The following NSD3 variants were observed in gnomAD, a reference collection of about 807,000 sequenced individuals.
NSD3 encodes the protein nuclear receptor binding SET domain protein 3, also known as histone-lysine N-methyltransferase NSD3.
Under a neutral mutation model 160.8 loss-of-function variants are expected in NSD3, and 24 were observed. The observed-to-expected ratio is 0.15, with a 90% CI of 0.11 to 0.21. The LOEUF (loss-of-function observed/expected upper bound fraction) is 0.21, where lower values mean the gene tolerates loss of function less well. NSD3 is among the 10% of genes least tolerant of loss of function. The probability of loss-of-function intolerance (pLI) is 1.00; values close to 1 mark genes in which losing one functional copy is unlikely to be tolerated. For missense variants in NSD3, 1,157 were observed against 1,735.9 expected (o/e 0.67, Z 5.93); for synonymous variants, 520 against 600.0 (o/e 0.87, Z 1.95).
At position 38,289,621 on chromosome 8, in the gene NSD3, T is replaced by C. The variant is rs375266748; in HGVS notation, c.3119-116A>G. 436 of 937,476 alleles carry C rather than the reference T, an allele frequency of 4.7e-4. 11 individuals carry two copies. In the South Asian group the frequency reaches 6.6e-3, roughly 14 times the overall value. The allele number at this position is 937,476 out of a possible 1,614,324, so 58.1% of individuals were successfully genotyped here. A position where few individuals can be genotyped will look rare whatever the true frequency, so the allele number is the denominator to read the frequency against. On this transcript the variant is annotated intron_variant, in intron 17 of 23. Coordinates refer to ENST00000317025, the MANE Select transcript of NSD3 (RefSeq NM_023034.2). ...GCATCTGGCCTGAGATTTTTCTTTT[T>C]AGAATTATTTTCTGGAAGTTACTGT...
At chr8:38,323,317 A>G (rs1488820191) in intron 7 of NSD3, among the ~76,000 whole-genome samples, 1 of 152,012 alleles carries the variant, frequency 6.6e-6, no homozygotes, top group Non-Finnish European at 1.5e-5. Flanking sequence ...CAGCCTCCCA[A>G]ACTGCTGGGA....
intron 2 of NSD3, among the ~76,000 whole-genome samples, chr8:38,338,965 C>A (rs1255473567): frequency 2.6e-5 from 4 of 152,034 alleles, no homozygotes; most frequent in African/African-American, 4.8e-5. Context: ...CATGGTGAAA[C>A]CCCGTCTCTA....
At chr8:38,322,125 A>C (rs560702124) in intron 7 of NSD3, among the ~76,000 whole-genome samples, 1 of 152,284 alleles carries the variant, frequency 6.6e-6, no homozygotes, top group East Asian at 1.9e-4. Context: ...ATCAGATAGA[A>C]GCTCTATCTA....
At position 38,340,937 on chromosome 8, in the gene NSD3, A is replaced by C. The variant is rs1343375571; in HGVS notation, c.676-2330T>G. Among the ~76,000 whole-genome samples the C allele has an allele frequency of 2.7e-5, 4 of 150,570 alleles. No individual in the cohort carries two copies. The South Asian group carries it at 8.5e-4, about 32-fold the overall frequency. On this transcript the variant is annotated intron_variant, in intron 2 of 23. Coordinates refer to ENST00000317025, the MANE Select transcript of NSD3 (RefSeq NM_023034.2). Reference sequence around the variant, plus strand: ...CAGTACTTTGGGAGGCCAAGGTGGAATGATCTCTTGAGGCCAAGAGTTCAA... The same window carrying C: ...CAGTACTTTGGGAGGCCAAGGTGGACTGATCTCTTGAGGCCAAGAGTTCAA...
chr8:38,376,439 CT>C (rs548550847), intron 1 of NSD3, among the ~76,000 whole-genome samples: 363 of 144,278 alleles, frequency 2.5e-3, no homozygotes, highest in Admixed American at 2.5e-3. Flanking sequence ...TTCTTTCTTT[CT>C]TTTTTTTTTT....
chr8:38,348,341 T>A lies in NSD3; in HGVS notation c.-44-126A>T, dbSNP rs1025601812. The stretch of plus-strand genomic sequence containing the variant: ...TTCATATCCAGATATGCATAGACAT[T>A]AAATATTTCTAAAACAGATAACTGA... On this transcript the variant is annotated intron_variant, in intron 1 of 23. Transcript: ENST00000317025. The A allele has an allele frequency of 5.7e-5, 35 of 611,764 alleles. No individual in the cohort carries two copies. The African/African-American group carries it at 6.3e-4, about 11-fold the overall frequency. 37.9% of individuals were successfully genotyped at this position (611,764 alleles called of 1,614,324 possible). A position where few individuals can be genotyped will look rare whatever the true frequency, so the allele number is the denominator to read the frequency against.
chr8:38,340,554 T>C (rs1330152872), intron 2 of NSD3, among the ~76,000 whole-genome samples: 2 of 151,072 alleles, frequency 1.3e-5, no homozygotes, highest in African/African-American at 4.8e-5. Context: ...GCCAGGCTGG[T>C]CTTGAACTCT....
intron 1 of NSD3, 79 bp from the exon 2 acceptor site, chr8:38,348,294 CTAAAA>C: frequency 8.5e-7 from 1 of 1,183,238 alleles, no homozygotes; most frequent in Non-Finnish European, 1.2e-6. Context: ...AAGGATTAAA[CTAAAA>C]TGTTTTGAAC....
chr8:38,341,245 ATAAAT>A, intron 2 of NSD3, among the ~76,000 whole-genome samples: 1 of 152,170 alleles, frequency 6.6e-6, no homozygotes. Flanking sequence ...CTCTAAGAAA[ATAAAT>A]TACAATCTGC....
intron 14 of NSD3, 103 bp from the exon 15 acceptor site, chr8:38,299,693 TG>T (rs893629765): frequency 8.5e-6 from 10 of 1,176,720 alleles, no homozygotes; most frequent in Non-Finnish European, 8.9e-6. Flanking sequence ...AAAGCTGGGG[TG>T]GGGAGGGCGA....
chr8:38,337,738 TA>T (rs1471731861), intron 3 of NSD3, among the ~76,000 whole-genome samples: 1 of 152,010 alleles, frequency 6.6e-6, no homozygotes, highest in African/African-American at 2.4e-5. Flanking sequence ...TAAAGTACAT[TA>T]AAAATGCTAA....
intron 1 of NSD3, among the ~76,000 whole-genome samples, chr8:38,373,133 C>G (rs1346451954): frequency 6.6e-6 from 1 of 151,972 alleles, no homozygotes; most frequent in East Asian, 1.9e-4. Context: ...AGTCCAACTA[C>G]CACCAAAGCA....
chr8:38,356,695 T>C (rs1302677757), intron 1 of NSD3, among the ~76,000 whole-genome samples: 1 of 152,242 alleles, frequency 6.6e-6, no homozygotes, highest in Admixed American at 6.5e-5. Flanking sequence ...TCATAAACAA[T>C]TATTTCTGTG....
intron 1 of NSD3, among the ~76,000 whole-genome samples, chr8:38,369,991 A>G (rs1811203027): frequency 6.6e-6 from 1 of 152,018 alleles, no homozygotes; most frequent in African/African-American, 2.4e-5. Context: ...ATGGGGTTTC[A>G]CCATGTTGAC....
intron 1 of NSD3, among the ~76,000 whole-genome samples, chr8:38,370,368 C>T (rs1299318980): frequency 1.3e-5 from 2 of 150,426 alleles, no homozygotes; most frequent in Non-Finnish European, 3.0e-5. Context: ...GACATTCTGA[C>T]TGTCCAGGAG....
chr8:38,307,558 C>T (rs1301365408), intron 12 of NSD3, among the ~76,000 whole-genome samples: 1 of 152,106 alleles, frequency 6.6e-6, no homozygotes, highest in Non-Finnish European at 1.5e-5. Context: ...ACTCAAATGT[C>T]CTTCGATAGG....
At chr8:38,295,549 C>G (rs567870397) in intron 16 of NSD3, among the ~76,000 whole-genome samples, 6 of 152,156 alleles carry the variant, frequency 3.9e-5, no homozygotes, top group Non-Finnish European at 8.8e-5. Flanking sequence ...TAGAGCCAAA[C>G]CGCCTCACAA....
chr8:38,304,785 C>T (rs747692964), intron 13 of NSD3, 28 bp from the exon 14 acceptor site: 8 of 1,574,954 alleles, frequency 5.1e-6, no homozygotes, highest in Middle Eastern at 1.7e-4. Context: ...AAAAAGGAAT[C>T]TAATAAGGCA....
In NSD3 at chr8:38,359,866, A is replaced by C. The variant is rs1416672913; in HGVS notation, c.-44-11651T>G. ...AAATAGATCTCACTATTTCATCCAC[A>C]AACAAAATACAGTGCTTTTAGTGGC... On this transcript the variant is annotated intron_variant, in intron 1 of 23. Transcript: ENST00000317025. Among the ~76,000 whole-genome samples, 5 of 152,234 alleles carry C rather than the reference A, an allele frequency of 3.3e-5. 1 individual carries two copies. Among genetic ancestry groups the C allele is most frequent in the Non-Finnish European group, 5.9e-5 (4 of 68,030 alleles).
Sources: gnomAD v4.1 joint callset for allele counts (sites outside exome capture counted in the v4.1 genomes callset) on GRCh38, gnomAD v4.1.1 for gene constraint, MANE v1.5 for transcripts, NCBI Gene and HGNC (gene_info 2026-07-23, HGNC 2026-07-21) for gene names.